C8orf34: variants seen among roughly 807,000 people sequenced by gnomAD.
The protein encoded by C8orf34 is uncharacterized protein C8orf34.
In C8orf34, 65 loss-of-function variants were observed where a neutral mutation model predicts 68.3. That is an observed-to-expected ratio of 0.95 (90% CI 0.78 to 1.17). The LOEUF (loss-of-function observed/expected upper bound fraction) is 1.17, where lower values mean the gene tolerates loss of function less well. C8orf34 is among the 50% of genes most tolerant of loss of function. The probability of loss-of-function intolerance (pLI) is 0.00; values close to 1 mark genes in which losing one functional copy is unlikely to be tolerated. For synonymous variants in C8orf34, 244 were observed against 241.2 expected, an observed-to-expected ratio of 1.01 and a Z score of -0.11; for missense variants, 664 against 655.4, an observed-to-expected ratio of 1.01 and a Z score of -0.14.
At chr8:68,407,976 G>A (rs538512991) in intron 1 of C8orf34, among the ~76,000 whole-genome samples, 26 of 152,118 alleles carry the variant, frequency 1.7e-4, no homozygotes, top group Admixed American at 1.6e-3. Flanking sequence ...CCATCCCCGG[G>A]CCATGGACTG....
chr8:68,647,433 C>T (rs1189007573), intron 8 of C8orf34, among the ~76,000 whole-genome samples: 2 of 152,092 alleles, frequency 1.3e-5, no homozygotes, highest in Non-Finnish European at 2.9e-5. Flanking sequence ...TCCAGCAATC[C>T]CACTTCTGGG....
chr8:68,463,530 C>A (rs1811952357), intron 3 of C8orf34, among the ~76,000 whole-genome samples: 1 of 152,048 alleles, frequency 6.6e-6, no homozygotes, highest in African/African-American at 2.4e-5. Context: ...AACATTGATG[C>A]AAAAATCCTC....
chr8:68,344,777 TAAA>T (rs1806212133), intron 1 of C8orf34, among the ~76,000 whole-genome samples: 1 of 152,046 alleles, frequency 6.6e-6, no homozygotes, highest in South Asian at 2.1e-4. Context: ...TGGATAAAGA[TAAA>T]GAAGTGAAAA....
At chr8:68,589,165 C>T (rs921798572) in intron 7 of C8orf34, among the ~76,000 whole-genome samples, 1 of 152,138 alleles carries the variant, frequency 6.6e-6, no homozygotes. Flanking sequence ...GAGAATATGA[C>T]ATAAGATTCC....
At chr8:68,362,483 C>T (rs1296953892) in intron 1 of C8orf34, among the ~76,000 whole-genome samples, 11 of 152,164 alleles carry the variant, frequency 7.2e-5, no homozygotes, top group Non-Finnish European at 8.8e-5. Context: ...ACGCAGAAGA[C>T]GGGTGATTTC....
chr8:68,411,429 T>C (rs751419962), intron 1 of C8orf34, among the ~76,000 whole-genome samples: 1 of 152,166 alleles, frequency 6.6e-6, no homozygotes. Context: ...TATTGAATGA[T>C]TGTGAATCTT....
intron 7 of C8orf34, among the ~76,000 whole-genome samples, chr8:68,615,741 C>T (rs1432357053): frequency 6.6e-6 from 1 of 152,176 alleles, no homozygotes; most frequent in Non-Finnish European, 1.5e-5. Context: ...GGATATTGGT[C>T]TAAAATTCTC....
At position 68,721,347 on chromosome 8, in the gene C8orf34, A is replaced by T. The variant is rs774989801; in HGVS notation, c.1328-14A>T. On this transcript the variant is annotated splice_polypyrimidine_tract_variant and intron_variant, in intron 9 of 13. Transcript: ENST00000518698. ...TGTGAGTATAATTTATTCATTTTTT[A>T]AAAATAAAAATAGATTCCTTGCCTG... 5.4e-5 allele frequency: 84 copies of T among 1,562,050 alleles called. No individual in the cohort carries two copies. The highest frequency in any genetic ancestry group is 6.8e-5 in the Non-Finnish European group (78 of 1,140,650).
At chr8:68,801,904 AAAAAG>A (rs1310849818) in intron 12 of C8orf34, among the ~76,000 whole-genome samples, 1 of 151,944 alleles carries the variant, frequency 6.6e-6, no homozygotes, top group African/African-American at 2.4e-5. Flanking sequence ...TTAAAAAAAA[AAAAAG>A]ATTCTCATGT....
intron 1 of C8orf34, among the ~76,000 whole-genome samples, chr8:68,367,936 A>AAAAAAAAAAC (rs1807379793): frequency 7.6e-6 from 1 of 131,508 alleles, no homozygotes; most frequent in Non-Finnish European, 1.7e-5. Context: ...AAAAAAAAAA[A>AAAAAAAAAAC]AGAAAAAAGT....
At chr8:68,562,998 A>G (rs1816480288) in intron 7 of C8orf34, among the ~76,000 whole-genome samples, 1 of 152,122 alleles carries the variant, frequency 6.6e-6, no homozygotes, top group Non-Finnish European at 1.5e-5. Context: ...CAGCACTATA[A>G]TTTTTTAAAA....
chr8:68,579,536 G>A (rs537157259), intron 7 of C8orf34, among the ~76,000 whole-genome samples: 29 of 152,160 alleles, frequency 1.9e-4, no homozygotes, highest in Admixed American at 5.9e-4. Flanking sequence ...TAGTCTGATG[G>A]TTTATCTTAC....
chr8:68,370,548 T>C (rs1807515650), intron 1 of C8orf34, among the ~76,000 whole-genome samples: 1 of 152,226 alleles, frequency 6.6e-6, no homozygotes, highest in Non-Finnish European at 1.5e-5. Flanking sequence ...AAATGTGCTC[T>C]GGGCCTTTCT....
chr8:68,599,965 A>C (rs1247360452), intron 7 of C8orf34, among the ~76,000 whole-genome samples: 1 of 152,124 alleles, frequency 6.6e-6, no homozygotes, highest in Non-Finnish European at 1.5e-5. Flanking sequence ...AAAAGTGGGA[A>C]AAAACTTAGA....
intron 7 of C8orf34, among the ~76,000 whole-genome samples, chr8:68,632,826 C>G (rs375038033): frequency 1.3e-5 from 2 of 152,260 alleles, no homozygotes; most frequent in African/African-American, 4.8e-5. Context: ...GGTGTTGGGC[C>G]TGCTGCTGTG....
intron 1 of C8orf34, among the ~76,000 whole-genome samples, chr8:68,348,989 G>T (rs924898460): frequency 5.9e-5 from 9 of 151,828 alleles, no homozygotes; most frequent in African/African-American, 2.2e-4. Context: ...CCTGGCCAGG[G>T]CTTCCAATAC....
chr8:68,512,785 C>CA (rs112918287), intron 5 of C8orf34, among the ~76,000 whole-genome samples: 6,158 of 136,086 alleles, frequency 0.045, 285 homozygotes, highest in African/African-American at 0.1. Flanking sequence ...AACCTTTTAC[C>CA]AAAAAAAAAA....
intron 1 of C8orf34, among the ~76,000 whole-genome samples, chr8:68,353,596 A>G (rs1387395036): frequency 2.7e-5 from 4 of 146,862 alleles, no homozygotes; most frequent in South Asian, 2.1e-4. Flanking sequence ...TGATGTATAT[A>G]TATACACACA....
intron 1 of C8orf34, among the ~76,000 whole-genome samples, chr8:68,389,963 G>A (rs1808413263): frequency 6.6e-6 from 1 of 152,220 alleles, no homozygotes; most frequent in Non-Finnish European, 1.5e-5. Context: ...TATTAAGCAT[G>A]TGAGTAAGCA....
Sources: allele counts gnomAD v4.1 joint callset (sites outside exome capture counted in the v4.1 genomes callset), GRCh38; gene constraint gnomAD v4.1.1; transcripts MANE v1.5; gene names NCBI Gene and HGNC (gene_info 2026-07-23, HGNC 2026-07-21).